BICRA: variants seen among roughly 807,000 people sequenced by gnomAD.
The protein encoded by BICRA is BRD4-interacting chromatin-remodeling complex-associated protein.
A neutral mutation model predicts 96.9 loss-of-function variants in BICRA; 31 were observed. That is an observed-to-expected ratio of 0.32 (90% CI 0.24 to 0.43). The LOEUF (loss-of-function observed/expected upper bound fraction) is 0.43, where lower values mean the gene tolerates loss of function less well. BICRA is among the 20% of genes least tolerant of loss of function. The pLI, the probability that BICRA is intolerant of heterozygous loss-of-function variation, is 1.00. For missense variants in BICRA, 2,283 were observed against 2,190.3 expected, an observed-to-expected ratio of 1.04 and a Z score of -0.84; for synonymous variants, 1,350 against 1,071.8, an observed-to-expected ratio of 1.26 and a Z score of -5.07.
In BICRA at chr19:47,680,513, G is replaced by T; in HGVS notation, c.1343G>T (p.Ser448Ile). ...QPPGALSKPM[S>I]VHLLNQGSSI... is the part of the protein sequence containing the mutation. Reference sequence around the variant, plus strand: ...CCCGGGGCCCTGAGCAAACCCATGAGCGTCCACCTCCTGAACCAAGGCAGC... The same window carrying T: ...CCCGGGGCCCTGAGCAAACCCATGATCGTCCACCTCCTGAACCAAGGCAGC... Residue 448 changes from serine (S) to isoleucine (I), a missense_variant, in exon 6 of 15, where the codon AGC becomes ATC. By Grantham distance (142) the Ser-to-Ile change is moderately radical. Coordinates refer to ENST00000594866, the MANE Select transcript of BICRA (RefSeq NM_001394372.1). 6.5e-7 allele frequency: 1 copy of T among 1,544,462 alleles called. No homozygotes were observed.
At chr19:47,648,416 A>G (rs532719786) in intron 1 of BICRA, among the ~76,000 whole-genome samples, 5 of 151,928 alleles carry the variant, frequency 3.3e-5, no homozygotes, top group Non-Finnish European at 7.4e-5. Context: ...CAAAGCGAAC[A>G]AAAAGAAACC....
Position 47,701,861 on chromosome 19 carries a change from G to C in BICRA, c.4129G>C (p.Gly1377Arg), listed in dbSNP as rs1477795090. 3.2e-5 allele frequency: 48 copies of C among 1,504,926 alleles called. No individual in the cohort carries two copies. The highest frequency in any genetic ancestry group is 4.2e-5 in the Non-Finnish European group (47 of 1,131,124). The allele number at this position is 1,504,926 out of a possible 1,614,324, so 93.2% of individuals were successfully genotyped here. The change falls in exon 15 of 15, where the codon GGC becomes CGC. Residue 1377 changes from glycine (G) to arginine (R), a missense_variant. Coordinates refer to ENST00000594866, the MANE Select transcript of BICRA (RefSeq NM_001394372.1). The surrounding 1 kb of genome is among the most constrained non-coding windows in gnomAD (Gnocchi z 5.4). ...TGCCGCCCCCGAGCGCAAGCCCCTG[G>C]GCACCGCCCCGCACTGCCCGCGCCT... ...PPAAPERKPL[G>R]TAPHCPRLPL... is the part of the protein sequence containing the mutation.
chr19:47,677,206 G>A (rs1029130545), intron 5 of BICRA, among the ~76,000 whole-genome samples: 1 of 152,176 alleles, frequency 6.6e-6, no homozygotes, highest in African/African-American at 2.4e-5. Context: ...CCAGGGGCCG[G>A]GTGATACCGT....
chr19:47,669,484 T>C (rs1972830842), intron 1 of BICRA, among the ~76,000 whole-genome samples: 1 of 152,080 alleles, frequency 6.6e-6, no homozygotes, highest in South Asian at 2.1e-4. Flanking sequence ...TATTTTGTTA[T>C]ACTGAAGTGC....
At position 47,698,595 on chromosome 19, in the gene BICRA, C is replaced by T. The variant is rs28399236; in HGVS notation, c.3249-39C>T. On this transcript the variant is annotated intron_variant, in intron 11 of 14. Coordinates refer to ENST00000594866, the MANE Select transcript of BICRA (RefSeq NM_001394372.1). This position sits in a 1 kb window ranked among gnomAD's most constrained non-coding sequence, Gnocchi z 4.8. Reference sequence around the variant, plus strand: ...CCCTGGCCCTCACCCGTCCCCCCCACCCTCCGCCGTGTGTGGTCTCTCCCC... The same window carrying T: ...CCCTGGCCCTCACCCGTCCCCCCCATCCTCCGCCGTGTGTGGTCTCTCCCC... 1 of 927,918 alleles carries T rather than the reference C, an allele frequency of 1.1e-6. No homozygotes were observed. Among genetic ancestry groups the T allele is most frequent in the Admixed American group, 1.8e-5 (1 of 56,704 alleles). The allele number at this position is 927,918 out of a possible 1,614,324, so 57.5% of individuals were successfully genotyped here.
chr19:47,632,129 C>T (rs1415151770), intron 1 of BICRA, among the ~76,000 whole-genome samples: 1 of 152,184 alleles, frequency 6.6e-6, no homozygotes, highest in African/African-American at 2.4e-5. Flanking sequence ...GTGACCCGAC[C>T]TGACATTTTT....
rs1310999953 is a variant in BICRA, at chr19:47,679,432, G to A, written c.262G>A (p.Gly88Arg). 3 of 1,490,692 alleles carry A rather than the reference G, an allele frequency of 2.0e-6. No homozygotes were observed. Among genetic ancestry groups the A allele is most frequent in the Admixed American group, 4.7e-5 (2 of 42,572 alleles). 92.3% of individuals were successfully genotyped at this position (1,490,692 alleles called of 1,614,324 possible). Residue 88 changes from glycine (G) to arginine (R), a missense_variant, in exon 6 of 15, where the codon GGG becomes AGG. Gly to Arg is a moderately radical substitution (Grantham distance 125). Transcript: ENST00000594866. ...EDDILGSPAT[G>R]GGGGGSGGAD... The stretch of plus-strand genomic sequence containing the variant: ...TGACATCCTGGGCTCTCCTGCGACA[G>A]GGGGCGGCGGCGGGGGCAGTGGGGG...
At chr19:47,628,339 C>G (rs1425392330) in intron 1 of BICRA, among the ~76,000 whole-genome samples, 2 of 152,084 alleles carry the variant, frequency 1.3e-5, no homozygotes, top group Non-Finnish European at 2.9e-5. Flanking sequence ...TCTTAACTCC[C>G]AGGTGAGGCT....
rs114749535 is a variant in BICRA, at chr19:47,628,306, A to G, written c.-108+19138A>G. On this transcript the variant is annotated intron_variant, in intron 1 of 14. Transcript: ENST00000594866. ...CCTGTTACCACGTGAGTTCTGAGTC[A>G]GCTGGTGCAGACACTTTGCATTTCT... Among the ~76,000 whole-genome samples the G allele has an allele frequency of 8.8e-3, 1,329 of 150,474 alleles. 15 individuals are homozygous for G. Among genetic ancestry groups the G allele is most frequent in the African/African-American group, 0.026 (1,089 of 41,096 alleles).
intron 1 of BICRA, among the ~76,000 whole-genome samples, chr19:47,668,013 T>A (rs1264137390): frequency 6.6e-6 from 1 of 152,094 alleles, no homozygotes; most frequent in African/African-American, 2.4e-5. Context: ...ACAGATCACC[T>A]GAGGTCAGGA....
intron 10 of BICRA, 75 bp downstream of exon 10, chr19:47,695,549 C>A: frequency 1.4e-6 from 1 of 708,062 alleles, no homozygotes; most frequent in Non-Finnish European, 2.5e-6. Flanking sequence ...CTGGCAGGGG[C>A]AGGGAGACAC....
intron 7 of BICRA, among the ~76,000 whole-genome samples, chr19:47,683,193 A>T (rs1440015726): frequency 1.3e-5 from 2 of 152,304 alleles, no homozygotes; most frequent in East Asian, 3.9e-4. Context: ...TTTATCTCTG[A>T]CAGACATTGC....
chr19:47,691,487 ACT>A, intron 7 of BICRA, among the ~76,000 whole-genome samples: 1 of 152,112 alleles, frequency 6.6e-6, no homozygotes, highest in East Asian at 1.9e-4. Context: ...TTCTGTGTAC[ACT>A]TTTTTCTGAA....
At position 47,651,907 on chromosome 19, in the gene BICRA, T is replaced by A. The variant is rs566140215; in HGVS notation, c.-107-18536T>A. Reference sequence around the variant, plus strand: ...CAGATGGCGCCACTCCTGGCTGTGATGTGGCTGCAAACCCACGGCTTGCCC... The same window carrying A: ...CAGATGGCGCCACTCCTGGCTGTGAAGTGGCTGCAAACCCACGGCTTGCCC... On this transcript the variant is annotated intron_variant, in intron 1 of 14. Transcript: ENST00000594866. Among the ~76,000 whole-genome samples the A allele has an allele frequency of 7.9e-5, 12 of 152,306 alleles. No homozygotes were observed. In the South Asian group the frequency reaches 1.9e-3, roughly 24 times the overall value.
At chr19:47,687,234 A>C (rs1384552201) in intron 7 of BICRA, among the ~76,000 whole-genome samples, 1 of 152,174 alleles carries the variant, frequency 6.6e-6, no homozygotes, top group Non-Finnish European at 1.5e-5. Flanking sequence ...TGAACACGGG[A>C]GTGTTCCAAT....
At chr19:47,697,461 C>T (rs748511811) in intron 11 of BICRA, among the ~76,000 whole-genome samples, 1 of 151,602 alleles carries the variant, frequency 6.6e-6, no homozygotes, top group Non-Finnish European at 1.5e-5. Context: ...GTTGCCCAGG[C>T]TGGTTGGTTT....
At chr19:47,674,283 G>A (rs1190615418) in intron 4 of BICRA, among the ~76,000 whole-genome samples, 1 of 152,184 alleles carries the variant, frequency 6.6e-6, no homozygotes, top group African/African-American at 2.4e-5. Context: ...CTAGTAGGAG[G>A]TGAGACTGTA....
chr19:47,649,485 C>G (rs1972511675), intron 1 of BICRA, among the ~76,000 whole-genome samples: 1 of 152,168 alleles, frequency 6.6e-6, no homozygotes, highest in Non-Finnish European at 1.5e-5. Flanking sequence ...TGTGTCCTGC[C>G]TGGAGACACT....
intron 1 of BICRA, among the ~76,000 whole-genome samples, chr19:47,637,068 G>A (rs967903884): frequency 6.6e-5 from 10 of 151,934 alleles, no homozygotes; most frequent in African/African-American, 2.4e-4. Flanking sequence ...ATTCTTCATA[G>A]CACTTCATTT....
Sources: gnomAD v4.1 joint callset for allele counts (sites outside exome capture counted in the v4.1 genomes callset) on GRCh38, gnomAD v4.1.1 for gene constraint, Gnocchi (gnomAD v3.1) non-coding constraint, MANE v1.5 for transcripts, NCBI Gene and HGNC (gene_info 2026-07-23, HGNC 2026-07-21) for gene names.